Variants in AFF3 observed in about 807,000 individuals in gnomAD.
AFF3 encodes the protein ALF transcription elongation factor 3.
AFF3 carries 32 observed loss-of-function variants against 129.7 expected under a neutral mutation model. That is an observed-to-expected ratio of 0.25 (90% CI 0.19 to 0.33). The LOEUF is 0.33. Among genes scored for constraint, AFF3 ranks in the 10% least tolerant of loss-of-function variants. The probability of loss-of-function intolerance (pLI) is 1.00; values close to 1 mark genes in which losing one functional copy is unlikely to be tolerated. For synonymous variants in AFF3, 644 were observed against 635.4 expected, an observed-to-expected ratio of 1.01 and a Z score of -0.20; for missense variants, 1,373 against 1,592.0, an observed-to-expected ratio of 0.86 and a Z score of 2.34.
At chr2:99,656,250 GA>G (rs1685739149) in intron 12 of AFF3, among the ~76,000 whole-genome samples, 1 of 44,514 alleles carries the variant, frequency 2.2e-5, no homozygotes, top group Non-Finnish European at 4.4e-5. Flanking sequence ...ACTGTTCTAA[GA>G]GAAAAAGATT....
chr2:99,707,829 C>T (rs1677545748), intron 11 of AFF3, among the ~76,000 whole-genome samples: 1 of 151,966 alleles, frequency 6.6e-6, no homozygotes, highest in African/African-American at 2.4e-5. Flanking sequence ...TGGCAGATTG[C>T]CAGAATTCAT....
intron 16 of AFF3, among the ~76,000 whole-genome samples, chr2:99,584,073 A>G (rs945734385): frequency 6.6e-6 from 1 of 152,244 alleles, no homozygotes; most frequent in Non-Finnish European, 1.5e-5. Flanking sequence ...ATAGAAAAAT[A>G]ATAAAACCAG....
At chr2:99,705,874 CAAAAAAAAAAAA>C (rs34186291) in intron 11 of AFF3, among the ~76,000 whole-genome samples, 1 of 53,420 alleles carries the variant, frequency 1.9e-5, no homozygotes, top group Non-Finnish European at 3.3e-5. Flanking sequence ...AACTGCGCCT[CAAAAAAAAAAAA>C]AAAAAAAAAA....
chr2:99,717,378 C>T (rs1678493682), intron 11 of AFF3, among the ~76,000 whole-genome samples: 1 of 152,164 alleles, frequency 6.6e-6, no homozygotes, highest in Non-Finnish European at 1.5e-5. Flanking sequence ...CATACACTTA[C>T]CATGATTTAG....
chr2:99,944,127 C>G (rs1204299250), intron 7 of AFF3, among the ~76,000 whole-genome samples: 1 of 152,090 alleles, frequency 6.6e-6, no homozygotes, highest in African/African-American at 2.4e-5. Context: ...TCTTGAACCC[C>G]TGGGCTCAAG....
chr2:99,664,272 T>G (rs1252835510), intron 12 of AFF3, among the ~76,000 whole-genome samples: 1 of 152,200 alleles, frequency 6.6e-6, no homozygotes. Flanking sequence ...AAATCATAGG[T>G]GCAACCATAA....
chr2:99,654,411 T>G (rs141397064), intron 12 of AFF3, among the ~76,000 whole-genome samples: 1 of 152,288 alleles, frequency 6.6e-6, no homozygotes, highest in East Asian at 1.9e-4. Flanking sequence ...TAAAAAAACC[T>G]TCAGCTTTTG....
chr2:99,864,160 G>C (rs1691203030), intron 7 of AFF3, among the ~76,000 whole-genome samples: 1 of 152,212 alleles, frequency 6.6e-6, no homozygotes, highest in African/African-American at 2.4e-5. Flanking sequence ...GTGCTTATGT[G>C]ATCCAAGGAA....
At chr2:99,581,811 T>C (rs1559501909) in intron 17 of AFF3, among the ~76,000 whole-genome samples, 1 of 151,152 alleles carries the variant, frequency 6.6e-6, no homozygotes, top group Non-Finnish European at 1.5e-5. Flanking sequence ...GAAGAGGAAC[T>C]AACATGTAGT....
At chr2:99,896,619 G>GTTTTT (rs1558955546) in intron 7 of AFF3, among the ~76,000 whole-genome samples, 4 of 44,186 alleles carry the variant, frequency 9.1e-5, no homozygotes, top group East Asian at 7.1e-4. Flanking sequence ...CTGTCAAAAT[G>GTTTTT]CTTTTTTTTT....
chr2:99,797,876 T>C (rs1198614131), intron 8 of AFF3, among the ~76,000 whole-genome samples: 1 of 152,100 alleles, frequency 6.6e-6, no homozygotes, highest in Non-Finnish European at 1.5e-5. Flanking sequence ...GAAAAGTTCA[T>C]AACCAGCAGA....
intron 2 of AFF3, among the ~76,000 whole-genome samples, chr2:100,124,203 A>G (rs1310287313): frequency 6.6e-6 from 1 of 152,224 alleles, no homozygotes; most frequent in South Asian, 2.1e-4. Context: ...CGTCTAGGAG[A>G]TTTAACATAC....
intron 7 of AFF3, among the ~76,000 whole-genome samples, chr2:100,005,657 T>C (rs986914424): frequency 6.6e-6 from 1 of 152,222 alleles, no homozygotes; most frequent in Non-Finnish European, 1.5e-5. Context: ...CACTTGATCT[T>C]CTCTACAAAA....
chr2:99,931,117 T>C (rs1696644376), intron 7 of AFF3, among the ~76,000 whole-genome samples: 1 of 152,176 alleles, frequency 6.6e-6, no homozygotes, highest in Non-Finnish European at 1.5e-5. Context: ...CTAGAATCAG[T>C]TGGATTTGTG....
At chr2:99,908,464 A>G in intron 7 of AFF3, among the ~76,000 whole-genome samples, 1 of 152,252 alleles carries the variant, frequency 6.6e-6, no homozygotes, top group Non-Finnish European at 1.5e-5. Context: ...ACAAAAGCCA[A>G]AATTGACAAA....
At chr2:100,053,359 C>T (rs901040621) in intron 4 of AFF3, among the ~76,000 whole-genome samples, 1 of 152,194 alleles carries the variant, frequency 6.6e-6, no homozygotes. Flanking sequence ...TGTTTTAGCT[C>T]AGTGCCAAGA....
chr2:99,676,160 G>A (rs896968862), intron 11 of AFF3, among the ~76,000 whole-genome samples: 1 of 152,020 alleles, frequency 6.6e-6, no homozygotes, highest in Non-Finnish European at 1.5e-5. Context: ...TACCCCAGCT[G>A]ATGGGGCCCC....
intron 8 of AFF3, among the ~76,000 whole-genome samples, chr2:99,758,548 T>C (rs903750551): frequency 2.2e-5 from 3 of 136,282 alleles, no homozygotes; most frequent in Admixed American, 1.7e-4. Context: ...ATCATGCCAC[T>C]GCACTCCAGG....
chr2:100,033,929 T>C (rs1010651641), intron 4 of AFF3, among the ~76,000 whole-genome samples: 3 of 152,220 alleles, frequency 2.0e-5, no homozygotes, highest in African/African-American at 7.2e-5. Flanking sequence ...TATCCACTGC[T>C]ACACCACAGT....
Sources: allele counts gnomAD v4.1 joint callset (sites outside exome capture counted in the v4.1 genomes callset), GRCh38; gene constraint gnomAD v4.1.1; transcripts MANE v1.5; gene names NCBI Gene and HGNC (gene_info 2026-07-23, HGNC 2026-07-21).